The following SEL1L3 variants were observed in gnomAD, a reference collection of about 807,000 sequenced individuals.
SEL1L3 encodes the protein SEL1L family member 3, also known as protein sel-1 homolog 3.
Under a neutral mutation model 142.8 loss-of-function variants are expected in SEL1L3, and 76 were observed. The observed-to-expected ratio is 0.53, with a 90% CI of 0.44 to 0.64. SEL1L3 has a LOEUF of 0.64. Among genes scored for constraint, SEL1L3 ranks in the 30% least tolerant of loss-of-function variants. The pLI is 0.00. For synonymous variants in SEL1L3, 504 were observed against 519.6 expected, an observed-to-expected ratio of 0.97 and a Z score of 0.41; for missense variants, 1,262 against 1,381.7, an observed-to-expected ratio of 0.91 and a Z score of 1.37.
intron 23 of SEL1L3, among the ~76,000 whole-genome samples, chr4:25,749,934 A>G (rs1394812906): frequency 2.0e-5 from 3 of 152,224 alleles, no homozygotes; most frequent in African/African-American, 7.2e-5. Flanking sequence ...GTAAAGATTT[A>G]TTAGAAACCC....
In SEL1L3 at chr4:25,818,242, C is replaced by G. The variant is rs1488150487; in HGVS notation, c.1460G>C (p.Arg487Thr). 1 of 1,602,484 alleles carries G rather than the reference C, an allele frequency of 6.2e-7. No homozygotes were observed. The highest frequency in any genetic ancestry group is 1.7e-5 in the Admixed American group (1 of 58,192). Residue 487 changes from arginine to threonine, a missense_variant, in exon 9 of 24, where the codon AGG (arginine) becomes ACG (threonine). Coordinates refer to ENST00000399878, the MANE Select transcript of SEL1L3 (RefSeq NM_015187.5). ...TCTGCACATCGAGGGTCTCCCATAC[C>G]TGCGCTGGAGGTCCAGGTAGGAGTT... is the stretch of plus-strand genomic sequence containing the variant. The part of the protein sequence containing the change: ...LHNSYLDLQR[R>T]YGRPSMCRAF...
chr4:25,745,328 G>A (rs144944524), downstream of SEL1L3, among the ~76,000 whole-genome samples: 3,000 of 151,992 alleles, frequency 0.02, 45 homozygotes, highest in Non-Finnish European at 0.024. Flanking sequence ...CTGGGAGGCA[G>A]AGGATGCAGT....
At chr4:25,823,483 C>T (rs1224417600) in intron 6 of SEL1L3, among the ~76,000 whole-genome samples, 1 of 151,918 alleles carries the variant, frequency 6.6e-6, no homozygotes, top group African/African-American at 2.4e-5. Flanking sequence ...CACTGCACTC[C>T]AACCTGGGTG....
rs1717830566 is a variant in SEL1L3 at position 25,862,851 on chromosome 4, G to C, written c.-15C>G. 9.1e-7 allele frequency: 1 copy of C among 1,097,364 alleles called. No individual in the cohort carries two copies. The highest frequency in any genetic ancestry group is 4.3e-5 in the South Asian group (1 of 23,156). The allele number at this position is 1,097,364 out of a possible 1,614,324, so 68.0% of individuals were successfully genotyped here. A position where few individuals can be genotyped will look rare whatever the true frequency, so the allele number is the denominator to read the frequency against. On this transcript the variant is annotated 5_prime_UTR_variant, in exon 1 of 24. In the 5' UTR this introduces an upstream ATG that the reference lacks. Coordinates refer to ENST00000399878, the MANE Select transcript of SEL1L3 (RefSeq NM_015187.5). ...CGCCGCTGCATGGCGAGGCCGCCCG[G>C]ATCCGGGCCGGAACAGGTCACCTGG...
intron 6 of SEL1L3, among the ~76,000 whole-genome samples, chr4:25,827,861 T>TTTTTTTTTTTTTTTTTTG (rs1464764293): frequency 6.6e-6 from 1 of 152,226 alleles, no homozygotes; most frequent in Non-Finnish European, 1.5e-5. Context: ...GCTCTTATTT[T>TTTTTTTTTTTTTTTTTTG]AAACTTCATG....
chr4:25,780,743 TA>T (rs555241217), intron 15 of SEL1L3, among the ~76,000 whole-genome samples: 74 of 146,306 alleles, frequency 5.1e-4, no homozygotes, highest in African/African-American at 1.7e-3. Flanking sequence ...TATATATAAA[TA>T]AAAAATTATA....
Position 25,862,655 on chromosome 4 carries a change from G to T in SEL1L3, c.162+20C>A. The T allele has an allele frequency of 8.0e-7, 1 of 1,244,504 alleles. No individual in the cohort carries two copies. The highest frequency in any genetic ancestry group is 2.9e-5 in the South Asian group (1 of 34,620). The allele number at this position is 1,244,504 out of a possible 1,614,324, so 77.1% of individuals were successfully genotyped here. On this transcript the variant is annotated intron_variant, in intron 1 of 23. Transcript: ENST00000399878. ...GGGCCCCGCGCGGAGGGGAAGACCCGGGCAGGGTCCGGCGCTCACCAGGTA... is the reference window on the plus strand; with the variant it reads ...GGGCCCCGCGCGGAGGGGAAGACCCTGGCAGGGTCCGGCGCTCACCAGGTA...
chr4:25,859,951 A>C (rs114987678), intron 1 of SEL1L3, among the ~76,000 whole-genome samples: 1,905 of 152,292 alleles, frequency 0.013, 43 homozygotes, highest in African/African-American at 0.043. Flanking sequence ...AGCTCTGCTA[A>C]TGGCCCGTAC....
At chr4:25,802,485 G>A (rs780289584) in intron 10 of SEL1L3, 23 bp from the exon 11 acceptor site, 13 of 1,595,766 alleles carry the variant, frequency 8.1e-6, no homozygotes, top group African/African-American at 1.3e-5. Context: ...AATTGACAAA[G>A]CGTTCATGAG....
chr4:25,743,879 G>A (rs1717185974), downstream of SEL1L3, among the ~76,000 whole-genome samples: 1 of 151,924 alleles, frequency 6.6e-6, no homozygotes, highest in African/African-American at 2.4e-5. Flanking sequence ...TGCCTTTACT[G>A]TGCAGGGTTC....
intron 6 of SEL1L3, among the ~76,000 whole-genome samples, chr4:25,824,160 G>A (rs767972692): frequency 1.2e-4 from 18 of 152,120 alleles, no homozygotes; most frequent in Non-Finnish European, 2.1e-4. Flanking sequence ...TGAGAGTTGC[G>A]AACTGAGTCT....
chr4:25,725,591 G>A, the SEL1L3 span, among the ~76,000 whole-genome samples: 1 of 152,164 alleles, frequency 6.6e-6, no homozygotes, highest in East Asian at 1.9e-4. Flanking sequence ...TGGGATTACA[G>A]GTGTGAGCTA....
downstream of SEL1L3, among the ~76,000 whole-genome samples, chr4:25,744,348 C>CTTTTTTTTTT (rs35155388): frequency 0.015 from 1,567 of 101,316 alleles, 129 homozygotes; most frequent in Middle Eastern, 0.028. Context: ...ATGTGTGAGT[C>CTTTTTTTTTT]TTTTTTTTTT....
chr4:25,832,220 C>G (rs943496597), intron 5 of SEL1L3, among the ~76,000 whole-genome samples: 2 of 152,172 alleles, frequency 1.3e-5, no homozygotes, highest in African/African-American at 2.4e-5. Flanking sequence ...AACCTAAACA[C>G]CAAGGGAAGA....
Position 25,788,127 on chromosome 4 carries a change from C to G in SEL1L3, c.2217+97G>C. 8.5e-7 allele frequency: 1 copy of G among 1,178,234 alleles called. No homozygotes were observed. The highest frequency in any genetic ancestry group is 1.4e-5 in the South Asian group (1 of 72,098). 73.0% of individuals were successfully genotyped at this position (1,178,234 alleles called of 1,614,324 possible). On this transcript the variant is annotated intron_variant, in intron 13 of 23. Transcript: ENST00000399878. This position sits in a 1 kb window ranked among gnomAD's most constrained non-coding sequence, Gnocchi z 5.3. ...GACAGAAGCATATACTAAATTTCTTCAGTTATCGACTCCCTGTTTGCCAGC... is the reference window on the plus strand; with the variant it reads ...GACAGAAGCATATACTAAATTTCTTGAGTTATCGACTCCCTGTTTGCCAGC...
At chr4:25,818,080 G>C in intron 9 of SEL1L3, 58 bp downstream of exon 9, 4 of 1,559,868 alleles carry the variant, frequency 2.6e-6, no homozygotes, top group Non-Finnish European at 3.5e-6. Context: ...GAGTGAAACA[G>C]AGAAAAACAA....
chr4:25,847,386 G>C lies in SEL1L3; in HGVS notation c.641C>G (p.Pro214Arg). 6.2e-7 allele frequency: 1 copy of C among 1,614,026 alleles called. No homozygotes were observed. The highest frequency in any genetic ancestry group is 8.5e-7 in the Non-Finnish European group (1 of 1,179,900). ...LLQTIPPFER[P>R]FKDHQVCLEW... ...AAGGCACACTTGATGATCTTTGAAA[G>C]GGCGTTCAAAAGGCGGGATGGTCTG... Residue 214 changes from proline to arginine, a missense_variant, in exon 2 of 24, where the codon CCT becomes CGT. Pro to Arg is a moderately radical substitution (Grantham distance 103, BLOSUM62 -2). This residue lies in a region of SEL1L3 where 689 missense variants were observed against 692.8 expected (regional missense o/e 0.99). Coordinates refer to ENST00000399878, the MANE Select transcript of SEL1L3 (RefSeq NM_015187.5).
At chr4:25,769,281 G>A (rs967415057) in intron 17 of SEL1L3, among the ~76,000 whole-genome samples, 8 of 152,254 alleles carry the variant, frequency 5.3e-5, no homozygotes, top group African/African-American at 9.6e-5. Flanking sequence ...GAGAGGTGCT[G>A]GGGGACAAAT....
chr4:25,844,697 C>T (rs932567142), intron 2 of SEL1L3, among the ~76,000 whole-genome samples: 1 of 152,208 alleles, frequency 6.6e-6, no homozygotes, highest in African/African-American at 2.4e-5. Flanking sequence ...GAAATGGAAT[C>T]ATTAATCCCT....
Sources: gnomAD v4.1 joint callset for allele counts (sites outside exome capture counted in the v4.1 genomes callset) on GRCh38, gnomAD v4.1.1 for gene constraint, gnomAD v4.1.1 regional missense constraint, Gnocchi (gnomAD v3.1) non-coding constraint, MANE v1.5 for transcripts, NCBI Gene and HGNC (gene_info 2026-07-23, HGNC 2026-07-21) for gene names.